NFIA: variants seen among roughly 807,000 people sequenced by gnomAD.
NFIA encodes the protein nuclear factor 1 A-type.
A neutral mutation model predicts 62.8 loss-of-function variants in NFIA; 8 were observed. That is an observed-to-expected ratio of 0.13 (90% CI 0.07 to 0.23). The LOEUF (loss-of-function observed/expected upper bound fraction) is 0.23. Ranked by LOEUF, NFIA falls within the 10% of genes least tolerant of loss-of-function variation. NFIA has a pLI of 1.00. For missense variants in NFIA, 410 were observed against 642.1 expected, an observed-to-expected ratio of 0.64 and a Z score of 3.91; for synonymous variants, 235 against 238.1, an observed-to-expected ratio of 0.99 and a Z score of 0.12.
chr1:61,397,799 G>A (rs558236692), intron 7 of NFIA, among the ~76,000 whole-genome samples: 3 of 152,294 alleles, frequency 2.0e-5, no homozygotes, highest in Non-Finnish European at 4.4e-5. Flanking sequence ...ATACTGCACT[G>A]CTTTTCTGAG....
chr1:61,126,017 C>T (rs2100479468), intron 2 of NFIA, among the ~76,000 whole-genome samples: 1 of 152,218 alleles, frequency 6.6e-6, no homozygotes, highest in Admixed American at 6.5e-5. Flanking sequence ...ACTTTATCGC[C>T]ATCTCATCTG....
At chr1:61,314,984 A>G (rs1230460988) in intron 3 of NFIA, among the ~76,000 whole-genome samples, 1 of 152,198 alleles carries the variant, frequency 6.6e-6, no homozygotes, top group Non-Finnish European at 1.5e-5. Context: ...TATTTGTTGA[A>G]TGAATAAATC....
chr1:61,408,001 T>G (rs2100527891), intron 9 of NFIA, among the ~76,000 whole-genome samples: 1 of 152,298 alleles, frequency 6.6e-6, no homozygotes, highest in Admixed American at 6.5e-5. Context: ...TTATGCCATG[T>G]TCATAGAATT....
intron 2 of NFIA, among the ~76,000 whole-genome samples, chr1:61,268,222 C>G (rs1657293299): frequency 6.6e-6 from 1 of 152,140 alleles, no homozygotes; most frequent in Non-Finnish European, 1.5e-5. Flanking sequence ...AATCTTCAAC[C>G]TTCTCATTAA....
intron 4 of NFIA, among the ~76,000 whole-genome samples, chr1:61,345,471 C>T (rs944460312): frequency 1.3e-5 from 2 of 152,090 alleles, no homozygotes; most frequent in African/African-American, 2.4e-5. Flanking sequence ...CCTCTTTGTG[C>T]CTCAGTTCCT....
chr1:61,336,253 TAA>T (rs960972290), intron 4 of NFIA, among the ~76,000 whole-genome samples: 1 of 152,176 alleles, frequency 6.6e-6, no homozygotes. Context: ...ATTTGTGCAT[TAA>T]AAAAAGGTTA....
chr1:61,420,165 C>A (rs558568570), intron 9 of NFIA, among the ~76,000 whole-genome samples: 12 of 152,158 alleles, frequency 7.9e-5, no homozygotes, highest in Non-Finnish European at 1.6e-4. Context: ...CTAATACTAA[C>A]CCAGGCCCTG....
chr1:61,108,719 C>T (rs576282458), intron 2 of NFIA, among the ~76,000 whole-genome samples: 7 of 151,592 alleles, frequency 4.6e-5, no homozygotes, highest in East Asian at 3.9e-4. Context: ...ATATTACTTT[C>T]GCTGCTCACA....
Position 61,455,335 on chromosome 1 carries a change from C to T in NFIA, c.*15C>T, listed in dbSNP as rs990304918. On this transcript the variant is annotated 3_prime_UTR_variant, in exon 11 of 11. Coordinates refer to ENST00000403491, the MANE Select transcript of NFIA (RefSeq NM_001134673.4). ...ACCTGGGATAAAAGTTGCAGCGTCC[C>T]ACCATCCACCAGACAGACCACCTGA... 1 of 1,614,064 alleles carries T rather than the reference C, an allele frequency of 6.2e-7. No homozygotes were observed. Among genetic ancestry groups the T allele is most frequent in the Non-Finnish European group, 8.5e-7 (1 of 1,179,982 alleles).
chr1:61,194,289 C>T (rs1341393458), intron 2 of NFIA, among the ~76,000 whole-genome samples: 2 of 152,074 alleles, frequency 1.3e-5, no homozygotes, highest in Non-Finnish European at 2.9e-5. Context: ...CACTGATGGA[C>T]GGTAGTACCT....
intron 6 of NFIA, among the ~76,000 whole-genome samples, chr1:61,371,916 G>A (rs7533561): frequency 0.091 from 13,787 of 152,152 alleles, 697 homozygotes; most frequent in Middle Eastern, 0.12. Context: ...CCTCACAAGT[G>A]CTGGATAAAG....
In NFIA at chr1:61,460,392, T is replaced by C. The variant is rs1267376947; in HGVS notation, c.*5072T>C. Reference sequence around the variant, plus strand: ...GTCACCAATTTTGAAATCAATTTAATGTTTAATGCAAATCCATTACATGGT... The same window carrying C: ...GTCACCAATTTTGAAATCAATTTAACGTTTAATGCAAATCCATTACATGGT... On this transcript the variant is annotated 3_prime_UTR_variant, in exon 11 of 11. Coordinates refer to ENST00000403491, the MANE Select transcript of NFIA (RefSeq NM_001134673.4). 2 of 152,254 alleles carry C rather than the reference T, an allele frequency of 1.3e-5. No individual in the cohort carries two copies. Among genetic ancestry groups the C allele is most frequent in the African/African-American group, 2.4e-5 (1 of 41,458 alleles). The allele number at this position is 152,254 out of a possible 1,614,324, so 9.4% of individuals were successfully genotyped here.
intron 2 of NFIA, among the ~76,000 whole-genome samples, chr1:61,179,709 A>G (rs1166316724): frequency 2.0e-5 from 3 of 152,196 alleles, no homozygotes; most frequent in African/African-American, 4.8e-5. Context: ...TTCAAACCCT[A>G]TGTAGGCCCC....
chr1:61,180,848 C>T (rs1650712066), intron 2 of NFIA, among the ~76,000 whole-genome samples: 2 of 152,106 alleles, frequency 1.3e-5, no homozygotes, highest in South Asian at 4.1e-4. Context: ...AATGTCTGCT[C>T]ATGATAAGAA....
At chr1:61,223,716 A>C (rs1654157797) in intron 2 of NFIA, among the ~76,000 whole-genome samples, 1 of 152,132 alleles carries the variant, frequency 6.6e-6, no homozygotes, top group East Asian at 1.9e-4. Flanking sequence ...AATGATAGCT[A>C]TCCTCCACCT....
intron 2 of NFIA, among the ~76,000 whole-genome samples, chr1:61,149,057 CT>C (rs3067418): frequency 1.2e-4 from 16 of 136,088 alleles, no homozygotes; most frequent in East Asian, 1.1e-3. Flanking sequence ...TTCTTTCTTT[CT>C]TTTTTTTTTT....
intron 3 of NFIA, among the ~76,000 whole-genome samples, chr1:61,287,483 C>T (rs1043918367): frequency 6.6e-6 from 1 of 152,184 alleles, no homozygotes; most frequent in African/African-American, 2.4e-5. Flanking sequence ...CACATACATT[C>T]ACCATGAAGG....
chr1:61,350,901 G>A (rs994045804), intron 4 of NFIA, among the ~76,000 whole-genome samples: 2 of 152,108 alleles, frequency 1.3e-5, no homozygotes, highest in African/African-American at 2.4e-5. Flanking sequence ...CCCCAGGTTG[G>A]GTTAGATAAC....
At chr1:61,129,790 A>G (rs958624644) in intron 2 of NFIA, among the ~76,000 whole-genome samples, 1 of 152,116 alleles carries the variant, frequency 6.6e-6, no homozygotes, top group Non-Finnish European at 1.5e-5. Flanking sequence ...AGTTCTTTGC[A>G]GTGTTTCACA....
Sources: allele counts gnomAD v4.1 joint callset (sites outside exome capture counted in the v4.1 genomes callset), GRCh38; gene constraint gnomAD v4.1.1; transcripts MANE v1.5; gene names NCBI Gene and HGNC (gene_info 2026-07-23, HGNC 2026-07-21).